The following TASP1 variants were observed in gnomAD, a reference collection of about 807,000 sequenced individuals.
TASP1 encodes threonine aspartase 1.
Under a neutral mutation model 56.6 loss-of-function variants are expected in TASP1, and 16 were observed. The observed-to-expected ratio is 0.28, with a 90% confidence interval of 0.19 to 0.43. The LOEUF (loss-of-function observed/expected upper bound fraction) is 0.43. Among genes scored for constraint, TASP1 ranks in the 20% least tolerant of loss-of-function variants. The pLI, the probability that TASP1 is intolerant of heterozygous loss-of-function variation, is 1.00. For missense variants in TASP1, 393 were observed against 511.6 expected (o/e 0.77, Z 2.24); for synonymous variants, 179 against 184.2 (o/e 0.97, Z 0.23).
intron 11 of TASP1, among the ~76,000 whole-genome samples, chr20:13,466,371 C>G (rs1021409395): frequency 2.0e-5 from 3 of 152,134 alleles, no homozygotes; most frequent in Admixed American, 2.0e-4. Flanking sequence ...ACATTGATGA[C>G]AGCAAACATG....
At chr20:13,606,097 G>C (rs1350362339) in intron 4 of TASP1, among the ~76,000 whole-genome samples, 2 of 151,402 alleles carry the variant, frequency 1.3e-5, no homozygotes, top group Non-Finnish European at 2.9e-5. Context: ...TCTAGTGAAA[G>C]AAGAGGGCCC....
the TASP1 span, among the ~76,000 whole-genome samples, chr20:13,158,974 T>A: frequency 6.6e-6 from 1 of 152,328 alleles, no homozygotes; most frequent in Admixed American, 6.5e-5. Flanking sequence ...TAAGAACAGA[T>A]CTGAGGCATT....
intron 12 of TASP1, among the ~76,000 whole-genome samples, chr20:13,432,374 AGACT>A (rs551925501): frequency 3.1e-4 from 47 of 152,202 alleles, no homozygotes; most frequent in Non-Finnish European, 5.7e-4. Flanking sequence ...CCAGAACCAA[AGACT>A]GACTGGTGGC....
intron 9 of TASP1, among the ~76,000 whole-genome samples, chr20:13,530,257 C>T (rs773086505): frequency 7.2e-4 from 109 of 152,114 alleles, no homozygotes; most frequent in Non-Finnish European, 1.0e-3. Context: ...CAGACAATAT[C>T]CCTCTTAAAA....
At chr20:13,355,405 C>G in the TASP1 span, among the ~76,000 whole-genome samples, 1 of 152,176 alleles carries the variant, frequency 6.6e-6, no homozygotes, top group Non-Finnish European at 1.5e-5. Flanking sequence ...GCAACACTAC[C>G]TCCAGATGAT....
At chr20:13,265,935 C>A in the TASP1 span, among the ~76,000 whole-genome samples, 2 of 152,186 alleles carry the variant, frequency 1.3e-5, no homozygotes, top group Non-Finnish European at 2.9e-5. Context: ...GTCAGCCACG[C>A]TTAGACTACA....
At chr20:13,399,418 A>G (rs116338040) in intron 13 of TASP1, among the ~76,000 whole-genome samples, 5 of 152,218 alleles carry the variant, frequency 3.3e-5, no homozygotes, top group African/African-American at 1.2e-4. Context: ...TAACATGTCC[A>G]GAACTGAGTT....
chr20:13,577,224 G>T (rs2046956648), intron 6 of TASP1, among the ~76,000 whole-genome samples: 1 of 152,094 alleles, frequency 6.6e-6, no homozygotes, highest in Non-Finnish European at 1.5e-5. Flanking sequence ...CCTGGTAAGT[G>T]TTTTGTTGAA....
chr20:13,550,008 T>C (rs1393929290), intron 8 of TASP1, among the ~76,000 whole-genome samples: 1 of 152,098 alleles, frequency 6.6e-6, no homozygotes, highest in Non-Finnish European at 1.5e-5. Flanking sequence ...ATCTTACTTA[T>C]AACTTTAAGA....
the TASP1 span, among the ~76,000 whole-genome samples, chr20:13,131,122 C>T: frequency 2.9e-5 from 3 of 102,852 alleles, no homozygotes; most frequent in African/African-American, 8.4e-5. Flanking sequence ...CAAACCACAC[C>T]GACTCCCCTG....
intron 10 of TASP1, among the ~76,000 whole-genome samples, chr20:13,507,683 C>A (rs145762592): frequency 6.6e-6 from 1 of 152,216 alleles, no homozygotes; most frequent in African/African-American, 2.4e-5. Context: ...GAATGTAATC[C>A]TTATCAAAAT....
At chr20:13,351,876 A>G in the TASP1 span, among the ~76,000 whole-genome samples, 1 of 152,230 alleles carries the variant, frequency 6.6e-6, no homozygotes, top group Non-Finnish European at 1.5e-5. Flanking sequence ...CATATTTTGT[A>G]TCCAATTCTG....
At position 13,623,500 on chromosome 20, in the gene TASP1, C is replaced by T. The variant is rs769213604; in HGVS notation, c.228G>A (p.Leu76=). 6.2e-7 allele frequency: 1 copy of T among 1,603,374 alleles called. No individual in the cohort carries two copies. The highest frequency in any genetic ancestry group is 1.1e-5 in the South Asian group (1 of 90,676). The change falls in exon 4 of 14, where the codon CTG becomes CTA. Residue 76 remains leucine, a synonymous_variant. Transcript: ENST00000337743. The stretch of plus-strand genomic sequence containing the variant: ...CGTCAGTTGCAAGAGCACCGGCCTG[C>T]AGCTTTTCAATTGCCTATGAAACCA... The part of the protein sequence containing the change: ...KRACQKAIEK[L]QAGALATDAV...
intron 11 of TASP1, among the ~76,000 whole-genome samples, chr20:13,441,370 A>G (rs2043206323): frequency 6.6e-6 from 1 of 152,218 alleles, no homozygotes; most frequent in African/African-American, 2.4e-5. Context: ...TATTAAACTC[A>G]CAAACCAATA....
the TASP1 span, among the ~76,000 whole-genome samples, chr20:13,250,386 G>A: frequency 3.9e-5 from 6 of 152,120 alleles, no homozygotes; most frequent in Non-Finnish European, 8.8e-5. Flanking sequence ...CACACGTACT[G>A]AAGACGTGAG....
At chr20:13,108,254 TAAAA>T in the TASP1 span, among the ~76,000 whole-genome samples, 1 of 152,154 alleles carries the variant, frequency 6.6e-6, no homozygotes, top group African/African-American at 2.4e-5. Flanking sequence ...ACTTGATAAT[TAAAA>T]AGAAACACAC....
intron 4 of TASP1, among the ~76,000 whole-genome samples, chr20:13,615,102 C>CT (rs567273365): frequency 4.3e-4 from 66 of 152,300 alleles, no homozygotes; most frequent in Middle Eastern, 3.4e-3. Flanking sequence ...ATACTAGTAA[C>CT]TTTTAAGTCC....
chr20:13,614,429 T>C (rs954537898), intron 4 of TASP1, among the ~76,000 whole-genome samples: 10 of 152,114 alleles, frequency 6.6e-5, no homozygotes, highest in Non-Finnish European at 1.0e-4. Flanking sequence ...TCAGAAAAAA[T>C]TGAACCAATG....
At chr20:13,516,987 A>T (rs1036215983) in intron 10 of TASP1, among the ~76,000 whole-genome samples, 1 of 152,028 alleles carries the variant, frequency 6.6e-6, no homozygotes, top group Non-Finnish European at 1.5e-5. Context: ...TGGGGAGAGA[A>T]AGGTGGCAAG....
Sources: allele counts gnomAD v4.1 joint callset (sites outside exome capture counted in the v4.1 genomes callset), GRCh38; gene constraint gnomAD v4.1.1; transcripts MANE v1.5; gene names NCBI Gene and HGNC (gene_info 2026-07-23, HGNC 2026-07-21).